Variants in NCKAP5 observed in about 807,000 individuals in gnomAD.
NCKAP5 encodes the protein NCK associated protein 5.
NCKAP5 carries 92 observed loss-of-function variants against 167.0 expected under a neutral mutation model. The observed-to-expected ratio is 0.55, with a 90% CI of 0.47 to 0.66. The LOEUF is 0.66. Among genes scored for constraint, NCKAP5 ranks in the 30% least tolerant of loss-of-function variants. The probability of loss-of-function intolerance (pLI) is 0.00; values close to 1 mark genes in which losing one functional copy is unlikely to be tolerated. For missense variants in NCKAP5, 2,378 were observed against 2,315.0 expected (o/e 1.03, Z -0.56); for synonymous variants, 891 against 877.4 (o/e 1.02, Z -0.27).
chr2:133,170,369 TG>T (rs2084193466), intron 5 of NCKAP5, among the ~76,000 whole-genome samples: 1 of 152,182 alleles, frequency 6.6e-6, no homozygotes, highest in African/African-American at 2.4e-5. Flanking sequence ...GCTACTTCTC[TG>T]GGTTGTAAAA....
At chr2:133,253,150 C>A (rs767495309) in intron 4 of NCKAP5, among the ~76,000 whole-genome samples, 1 of 152,214 alleles carries the variant, frequency 6.6e-6, no homozygotes, top group Non-Finnish European at 1.5e-5. Flanking sequence ...TTCCACTCAA[C>A]GATGCAAAGT....
At chr2:132,773,690 CATGTGTGA>C in intron 16 of NCKAP5, 118 bp downstream of exon 16, 3 of 743,206 alleles carry the variant, frequency 4.0e-6, no homozygotes, top group Admixed American at 5.8e-5. Flanking sequence ...TAATGGCAAC[CATGTGTGA>C]ATAGTTAACA....
At chr2:132,714,922 T>G (rs1689223968) in intron 19 of NCKAP5, 1 of 455,228 alleles carries the variant, frequency 2.2e-6, no homozygotes, top group Non-Finnish European at 4.4e-6. Flanking sequence ...GCTCATGGCT[T>G]TGGGTTTCTA....
At chr2:132,794,271 G>T (rs1372940616) in intron 12 of NCKAP5, among the ~76,000 whole-genome samples, 255 of 74,732 alleles carry the variant, frequency 3.4e-3, no homozygotes, top group African/African-American at 4.3e-3. Flanking sequence ...TATAGAGAGA[G>T]AGAGAGAGAG....
intron 9 of NCKAP5, among the ~76,000 whole-genome samples, chr2:132,870,434 T>C (rs1315703467): frequency 6.6e-6 from 1 of 152,154 alleles, no homozygotes; most frequent in African/African-American, 2.4e-5. Context: ...TTAAATATCC[T>C]AGATATAAGG....
chr2:133,086,577 T>C (rs77536668), intron 6 of NCKAP5, among the ~76,000 whole-genome samples: 13,680 of 152,146 alleles, frequency 0.09, 892 homozygotes, highest in African/African-American at 0.18. Context: ...AGGAATTCAA[T>C]GCTGCAGAGA....
chr2:133,445,240 T>C (rs1009553764), intron 3 of NCKAP5, among the ~76,000 whole-genome samples: 1 of 152,158 alleles, frequency 6.6e-6, no homozygotes, highest in Non-Finnish European at 1.5e-5. Flanking sequence ...TATAGATTTA[T>C]TCACAAATAA....
intron 3 of NCKAP5, among the ~76,000 whole-genome samples, chr2:133,453,217 T>C (rs951432080): frequency 2.0e-5 from 3 of 152,168 alleles, no homozygotes; most frequent in South Asian, 4.1e-4. Flanking sequence ...AATCAGGAAG[T>C]ATGTAACTAG....
chr2:133,138,760 C>A (rs2082890519), intron 5 of NCKAP5, among the ~76,000 whole-genome samples: 1 of 152,186 alleles, frequency 6.6e-6, no homozygotes, highest in South Asian at 2.1e-4. Context: ...TCATCCTTGG[C>A]AGAATTTCCA....
At chr2:132,865,014 T>C (rs1690232604) in intron 10 of NCKAP5, among the ~76,000 whole-genome samples, 1 of 152,130 alleles carries the variant, frequency 6.6e-6, no homozygotes. Context: ...TGCTGCTTTG[T>C]TCCCTCCCTG....
intron 3 of NCKAP5, among the ~76,000 whole-genome samples, chr2:133,313,204 T>TG (rs1681369908): frequency 6.6e-6 from 1 of 152,138 alleles, no homozygotes; most frequent in Non-Finnish European, 1.5e-5. Context: ...TAGTGTGTGC[T>TG]GGGGGGAATC....
chr2:132,849,972 G>A (rs114047423), intron 11 of NCKAP5, among the ~76,000 whole-genome samples: 317 of 152,276 alleles, frequency 2.1e-3, no homozygotes, highest in African/African-American at 7.4e-3. Flanking sequence ...GAATCGAGCC[G>A]CTACTCTTCT....
intron 15 of NCKAP5, 43 bp downstream of exon 15, chr2:132,781,009 T>A: frequency 6.3e-7 from 1 of 1,591,980 alleles, no homozygotes; most frequent in Non-Finnish European, 8.6e-7. Flanking sequence ...AGCCAGAACA[T>A]CTCAGATTGT....
intron 8 of NCKAP5, among the ~76,000 whole-genome samples, chr2:132,917,992 T>A (rs1464399466): frequency 6.6e-6 from 1 of 152,180 alleles, no homozygotes; most frequent in Non-Finnish European, 1.5e-5. Flanking sequence ...AGTCTTAAAA[T>A]GCTGTCCATG....
chr2:133,565,565 T>C (rs541780868), intron 1 of NCKAP5, among the ~76,000 whole-genome samples: 1 of 152,286 alleles, frequency 6.6e-6, no homozygotes, highest in African/African-American at 2.4e-5. Context: ...AGTCCAAGTT[T>C]TCAGTCACTG....
At chr2:133,478,475 TCA>T (rs781468102) in intron 3 of NCKAP5, among the ~76,000 whole-genome samples, 2 of 152,284 alleles carry the variant, frequency 1.3e-5, no homozygotes, top group Admixed American at 6.5e-5. Flanking sequence ...TCTGGAAGAC[TCA>T]GTTTATTATC....
intron 6 of NCKAP5, among the ~76,000 whole-genome samples, chr2:132,999,713 T>C (rs1480656304): frequency 6.6e-6 from 1 of 152,154 alleles, no homozygotes; most frequent in Non-Finnish European, 1.5e-5. Flanking sequence ...AACATGTAAA[T>C]GACTGTGGGC....
At chr2:132,900,752 C>T (rs188315502) in intron 8 of NCKAP5, among the ~76,000 whole-genome samples, 5 of 151,912 alleles carry the variant, frequency 3.3e-5, no homozygotes, top group Non-Finnish European at 5.9e-5. Context: ...CACAAGAACA[C>T]CAGATTGAGA....
the NCKAP5 span, among the ~76,000 whole-genome samples, chr2:133,666,322 C>T: frequency 5.3e-4 from 81 of 151,450 alleles, no homozygotes; most frequent in Non-Finnish European, 1.3e-4. Context: ...CTCAGCCTCT[C>T]GAGTATCTGG....
Sources: allele counts gnomAD v4.1 joint callset (sites outside exome capture counted in the v4.1 genomes callset), GRCh38; gene constraint gnomAD v4.1.1; transcripts MANE v1.5; gene names NCBI Gene and HGNC (gene_info 2026-07-23, HGNC 2026-07-21).